Variants in PTPRG observed in about 807,000 individuals in gnomAD.
PTPRG encodes the protein receptor-type tyrosine-protein phosphatase gamma.
A neutral mutation model predicts 165.3 loss-of-function variants in PTPRG; 102 were observed. The observed-to-expected ratio is 0.62, with a 90% CI of 0.53 to 0.73. The LOEUF (loss-of-function observed/expected upper bound fraction) is 0.73, where lower values mean the gene tolerates loss of function less well. Among genes scored for constraint, PTPRG ranks in the 30% least tolerant of loss-of-function variants. The pLI, the probability that PTPRG is intolerant of heterozygous loss-of-function variation, is 0.00. For missense variants in PTPRG, 1,866 were observed against 1,861.4 expected, an observed-to-expected ratio of 1.00 and a Z score of -0.05; for synonymous variants, 675 against 669.5, an observed-to-expected ratio of 1.01 and a Z score of -0.13.
intron 2 of PTPRG, among the ~76,000 whole-genome samples, chr3:61,893,225 G>A (rs138020302): frequency 6.6e-6 from 1 of 152,350 alleles, no homozygotes; most frequent in East Asian, 1.9e-4. Flanking sequence ...GAAAGTCAGT[G>A]TGTCTGCAAG....
At chr3:61,879,194 G>T (rs551573231) in intron 2 of PTPRG, among the ~76,000 whole-genome samples, 1 of 152,142 alleles carries the variant, frequency 6.6e-6, no homozygotes, top group Non-Finnish European at 1.5e-5. Context: ...CACTTTACAT[G>T]GTGATCAGAC....
At chr3:62,062,037 C>T (rs1189644018) in intron 4 of PTPRG, among the ~76,000 whole-genome samples, 1 of 151,828 alleles carries the variant, frequency 6.6e-6, no homozygotes. Flanking sequence ...TGGTGGCTCA[C>T]GCCTGTAATC....
At chr3:62,040,493 T>C (rs998220356) in intron 4 of PTPRG, among the ~76,000 whole-genome samples, 2 of 152,200 alleles carry the variant, frequency 1.3e-5, no homozygotes, top group African/African-American at 4.8e-5. Context: ...CTTACTCTGT[T>C]ACCAGACTGG....
chr3:62,027,158 G>A (rs988251493), intron 4 of PTPRG, among the ~76,000 whole-genome samples: 3 of 152,056 alleles, frequency 2.0e-5, no homozygotes, highest in African/African-American at 7.2e-5. Flanking sequence ...ACAAACTGGG[G>A]ATGACGCTTG....
intron 3 of PTPRG, among the ~76,000 whole-genome samples, chr3:61,991,439 C>T (rs1215824304): frequency 2.0e-5 from 3 of 152,192 alleles, no homozygotes; most frequent in Non-Finnish European, 2.9e-5. Context: ...CTCCTGACCT[C>T]AGGTGATCTC....
chr3:62,192,389 CTGTCT>C (rs1699853388), intron 9 of PTPRG, among the ~76,000 whole-genome samples: 1 of 125,102 alleles, frequency 8.0e-6, no homozygotes, highest in Non-Finnish European at 1.6e-5. Context: ...TCCACAACTA[CTGTCT>C]TTTTTTTTTT....
At chr3:61,609,621 C>T (rs901404017) in intron 1 of PTPRG, among the ~76,000 whole-genome samples, 1 of 152,090 alleles carries the variant, frequency 6.6e-6, no homozygotes, top group Non-Finnish European at 1.5e-5. Context: ...CTTCGTGAGG[C>T]CGAGTTGGGT....
chr3:62,040,742 G>A (rs1202092684), intron 4 of PTPRG, among the ~76,000 whole-genome samples: 3 of 152,138 alleles, frequency 2.0e-5, no homozygotes, highest in Admixed American at 6.6e-5. Flanking sequence ...GTGCCCAGCC[G>A]AGTCCAGCTT....
chr3:61,897,895 AT>A (rs1381106827), intron 2 of PTPRG, among the ~76,000 whole-genome samples: 1 of 151,732 alleles, frequency 6.6e-6, no homozygotes, highest in African/African-American at 2.4e-5. Flanking sequence ...TTTCAGGTTG[AT>A]CTTTTATTCT....
At chr3:61,946,791 T>C (rs1235921663) in intron 2 of PTPRG, among the ~76,000 whole-genome samples, 1 of 152,266 alleles carries the variant, frequency 6.6e-6, no homozygotes, top group Non-Finnish European at 1.5e-5. Context: ...AGAGACCTTT[T>C]TAAGCACACT....
intron 2 of PTPRG, among the ~76,000 whole-genome samples, chr3:61,887,557 T>G (rs1361552242): frequency 6.6e-6 from 1 of 152,174 alleles, no homozygotes; most frequent in Non-Finnish European, 1.5e-5. Flanking sequence ...TACCAATTCA[T>G]GAAATTCTGG....
intron 2 of PTPRG, among the ~76,000 whole-genome samples, chr3:61,928,841 C>T (rs2039289864): frequency 6.6e-6 from 1 of 152,096 alleles, no homozygotes; most frequent in Non-Finnish European, 1.5e-5. Flanking sequence ...TAAAATATTT[C>T]ACTATAAAAC....
intron 2 of PTPRG, among the ~76,000 whole-genome samples, chr3:61,788,908 C>T (rs1427446456): frequency 6.6e-6 from 1 of 152,192 alleles, no homozygotes; most frequent in Non-Finnish European, 1.5e-5. Context: ...CTTGCCAAGA[C>T]TGGCTCCCTA....
At chr3:61,888,561 G>C (rs1363812036) in intron 2 of PTPRG, among the ~76,000 whole-genome samples, 1 of 152,104 alleles carries the variant, frequency 6.6e-6, no homozygotes, top group Non-Finnish European at 1.5e-5. Context: ...TCGATCTCCT[G>C]ACCTTGCGAT....
chr3:61,769,802 G>T (rs924268254), intron 2 of PTPRG: 2 of 152,140 alleles, frequency 1.3e-5, no homozygotes, highest in Non-Finnish European at 2.9e-5. Flanking sequence ...TGTGATTCTT[G>T]AACTGTCCTT....
intron 1 of PTPRG, among the ~76,000 whole-genome samples, chr3:61,663,790 C>T (rs1347454925): frequency 6.6e-6 from 1 of 152,124 alleles, no homozygotes; most frequent in African/African-American, 2.4e-5. Flanking sequence ...CAACCTAGAT[C>T]CCTCACGTGC....
chr3:61,859,007 CAA>C (rs2037188994), intron 2 of PTPRG, among the ~76,000 whole-genome samples: 1 of 152,014 alleles, frequency 6.6e-6, no homozygotes, highest in Admixed American at 6.6e-5. Context: ...GAGATGGAGA[CAA>C]AAAGTTGCTG....
chr3:62,274,108 T>G (rs1208729895), intron 23 of PTPRG, among the ~76,000 whole-genome samples: 2 of 152,178 alleles, frequency 1.3e-5, no homozygotes, highest in African/African-American at 4.8e-5. Context: ...CCCCTGGCCA[T>G]AATGACATAG....
chr3:61,792,855 A>G (rs1354633600), intron 2 of PTPRG, among the ~76,000 whole-genome samples: 4 of 151,844 alleles, frequency 2.6e-5, no homozygotes, highest in Admixed American at 2.6e-4. Context: ...CAGCCTCCCA[A>G]GTAACTAGGA....
Sources: gnomAD v4.1 joint callset for allele counts (sites outside exome capture counted in the v4.1 genomes callset) on GRCh38, gnomAD v4.1.1 for gene constraint, MANE v1.5 for transcripts, NCBI Gene and HGNC (gene_info 2026-07-23, HGNC 2026-07-21) for gene names.